Variants in R3HDM1 observed in about 807,000 individuals in gnomAD.
R3HDM1 encodes the protein R3H domain-containing protein 1.
R3HDM1 carries 46 observed loss-of-function variants against 141.1 expected under a neutral mutation model. The ratio of observed to expected loss-of-function variants is 0.33; its 90% CI spans 0.26 to 0.42. The LOEUF is 0.42. R3HDM1 is among the 10% of genes least tolerant of loss of function. The pLI is 1.00. For missense variants in R3HDM1, 1,184 were observed against 1,368.3 expected (o/e 0.87, Z 2.12); for synonymous variants, 435 against 472.9 (o/e 0.92, Z 1.04).
At chr2:135,580,483 T>A (rs936225873) in intron 1 of R3HDM1, among the ~76,000 whole-genome samples, 10 of 152,220 alleles carry the variant, frequency 6.6e-5, no homozygotes, top group African/African-American at 2.4e-4. Flanking sequence ...TTTATTCTTA[T>A]TCTCCTGGAG....
chr2:135,682,138 G>A lies in R3HDM1; in HGVS notation c.2459+1814G>A, dbSNP rs148923263. 4.6e-5 allele frequency among the ~76,000 whole-genome samples: 7 copies of A among 150,556 alleles called. No homozygotes were observed. In the East Asian group the frequency reaches 1.2e-3, roughly 25 times the overall value. On this transcript the variant is annotated intron_variant, in intron 21 of 26. Transcript: ENST00000683871. ...AATCTGTGCTAAAGTAGGGTGAAAT[G>A]AGGAGTGAGAAAATTGATGATTTAT...
Position 135,709,918 on chromosome 2 carries a change from C to G in R3HDM1, c.2564-141C>G, listed in dbSNP as rs188510459. On this transcript the variant is annotated intron_variant, in intron 22 of 26. Transcript: ENST00000683871. ...CACACAATACTTGTAGTGTGATGCACTAGGGCTTCAACCTGGTTTTCTTAG... is the reference window on the plus strand; with the variant it reads ...CACACAATACTTGTAGTGTGATGCAGTAGGGCTTCAACCTGGTTTTCTTAG... The G allele has an allele frequency of 3.8e-4, 316 of 838,318 alleles. 1 individual carries two copies. In the African/African-American group the frequency reaches 5.0e-3, roughly 13 times the overall value. The allele number at this position is 838,318 out of a possible 1,614,324, so 51.9% of individuals were successfully genotyped here. A position where few individuals can be genotyped will look rare whatever the true frequency, so the allele number is the denominator to read the frequency against.
chr2:135,671,954 C>T (rs1467171740), intron 19 of R3HDM1, among the ~76,000 whole-genome samples: 2 of 150,336 alleles, frequency 1.3e-5, no homozygotes, highest in Non-Finnish European at 3.0e-5. Flanking sequence ...CCAACCTGGC[C>T]GATAGAGTGA....
chr2:135,674,251 A>G (rs909864396), intron 19 of R3HDM1, among the ~76,000 whole-genome samples: 16 of 152,332 alleles, frequency 1.1e-4, no homozygotes, highest in African/African-American at 3.1e-4. Context: ...TGAAATTGCC[A>G]TGTCTGTTGC....
At chr2:135,684,509 C>T (rs2070994424) in intron 21 of R3HDM1, among the ~76,000 whole-genome samples, 1 of 152,196 alleles carries the variant, frequency 6.6e-6, no homozygotes, top group South Asian at 2.1e-4. Flanking sequence ...TTAAATTTTT[C>T]ATCAATTTTT....
intron 21 of R3HDM1, among the ~76,000 whole-genome samples, chr2:135,686,140 A>G (rs1454021469): frequency 6.6e-6 from 1 of 152,224 alleles, no homozygotes; most frequent in Admixed American, 6.5e-5. Context: ...ACCTGTTAAA[A>G]TGGCTGTTAT....
In R3HDM1 at chr2:135,709,687, CAT is replaced by C. The variant is rs1032326796; in HGVS notation, c.2563+152_2563+153del. The C allele has an allele frequency of 1.2e-4, 106 of 914,168 alleles. No individual in the cohort carries two copies. The African/African-American group carries it at 1.7e-3, about 14-fold the overall frequency. The allele number at this position is 914,168 out of a possible 1,614,324, so 56.6% of individuals were successfully genotyped here. A position where few individuals can be genotyped will look rare whatever the true frequency, so the allele number is the denominator to read the frequency against. ...GGGTGCTGTACTGAATCATAGTTAACATGTGCAGTCCACTTCTTCCTTTCCTT... is the reference window on the plus strand; with the variant it reads ...GGGTGCTGTACTGAATCATAGTTAACGTGCAGTCCACTTCTTCCTTTCCTT... On this transcript the variant is annotated intron_variant, in intron 22 of 26. Transcript: ENST00000683871.
intron 24 of R3HDM1, among the ~76,000 whole-genome samples, chr2:135,719,348 G>A (rs911151981): frequency 8.0e-5 from 12 of 150,262 alleles, no homozygotes; most frequent in African/African-American, 2.4e-4. Context: ...CATGGTGGTG[G>A]GCACCTGTAA....
chr2:135,543,504 C>G (rs543184104), intron 1 of R3HDM1, among the ~76,000 whole-genome samples: 3 of 151,610 alleles, frequency 2.0e-5, no homozygotes, highest in South Asian at 4.2e-4. Flanking sequence ...CCAGTTTCTG[C>G]AAAGAAGCCA....
chr2:135,632,438 C>T (rs967193774), intron 9 of R3HDM1, among the ~76,000 whole-genome samples: 3 of 152,112 alleles, frequency 2.0e-5, no homozygotes, highest in East Asian at 1.9e-4. Flanking sequence ...TCTGAATTTA[C>T]TCCTTTTCTC....
intron 1 of R3HDM1, among the ~76,000 whole-genome samples, chr2:135,555,739 A>G (rs752698409): frequency 2.0e-5 from 3 of 152,198 alleles, no homozygotes; most frequent in Non-Finnish European, 2.9e-5. Context: ...ATACGAAGCA[A>G]TGAAGGGCCA....
intron 5 of R3HDM1, chr2:135,619,748 G>C (rs2061374956): frequency 1.0e-6 from 1 of 966,292 alleles, no homozygotes; most frequent in African/African-American, 1.8e-5. Flanking sequence ...GATTCAGAAT[G>C]TGATTTTTGA....
At chr2:135,634,225 A>G (rs1414661808) in intron 9 of R3HDM1, among the ~76,000 whole-genome samples, 2 of 152,208 alleles carry the variant, frequency 1.3e-5, no homozygotes, top group Non-Finnish European at 2.9e-5. Context: ...ATTTTACAAT[A>G]GAAATTTCAT....
chr2:135,595,338 G>A (rs1710396596), intron 1 of R3HDM1, among the ~76,000 whole-genome samples: 1 of 152,016 alleles, frequency 6.6e-6, no homozygotes, highest in Admixed American at 6.5e-5. Flanking sequence ...TATTGAATTG[G>A]CTTCCCCCAG....
chr2:135,571,730 G>A (rs937415623), intron 1 of R3HDM1, among the ~76,000 whole-genome samples: 4 of 151,906 alleles, frequency 2.6e-5, no homozygotes, highest in Non-Finnish European at 4.4e-5. Flanking sequence ...GGGCTCTAGC[G>A]ATCCTTTCAC....
intron 1 of R3HDM1, among the ~76,000 whole-genome samples, chr2:135,553,516 T>C (rs1700182112): frequency 6.6e-6 from 1 of 152,186 alleles, no homozygotes; most frequent in African/African-American, 2.4e-5. Context: ...TTCAGGAGCA[T>C]CAAAATATTT....
At chr2:135,693,827 G>A (rs1176171897) in intron 21 of R3HDM1, among the ~76,000 whole-genome samples, 3 of 151,974 alleles carry the variant, frequency 2.0e-5, no homozygotes, top group Non-Finnish European at 2.9e-5. Context: ...GGCCAACATA[G>A]CAAAACCACA....
At chr2:135,665,418 G>A (rs117812383) in intron 19 of R3HDM1, 5 of 533,314 alleles carry the variant, frequency 9.4e-6, no homozygotes, top group East Asian at 5.4e-5. Context: ...ATTCGGGGCC[G>A]TAGCACTGTC....
At chr2:135,699,108 A>G (rs1418214619) in intron 21 of R3HDM1, among the ~76,000 whole-genome samples, 1 of 80,788 alleles carries the variant, frequency 1.2e-5, no homozygotes, top group Non-Finnish European at 2.3e-5. Context: ...GATAGATTAG[A>G]TATTCCAAAC....
Sources: gnomAD v4.1 joint callset for allele counts (sites outside exome capture counted in the v4.1 genomes callset) on GRCh38, gnomAD v4.1.1 for gene constraint, MANE v1.5 for transcripts, NCBI Gene and HGNC (gene_info 2026-07-23, HGNC 2026-07-21) for gene names.